HTR4: variants seen among roughly 807,000 people sequenced by gnomAD.
HTR4 encodes the protein 5-hydroxytryptamine (serotonin) receptor 4, G protein-coupled.
A neutral mutation model predicts 36.8 loss-of-function variants in HTR4; 16 were observed. The ratio of observed to expected loss-of-function variants is 0.43; its 90% CI spans 0.29 to 0.66. The LOEUF is 0.66. HTR4 is among the 30% of genes least tolerant of loss of function. HTR4 has a pLI of 0.13. For synonymous variants in HTR4, 189 were observed against 185.1 expected, an observed-to-expected ratio of 1.02 and a Z score of -0.17; for missense variants, 438 against 490.9, an observed-to-expected ratio of 0.89 and a Z score of 1.02.
chr5:148,555,419 A>G (rs1480492204), intron 2 of HTR4, among the ~76,000 whole-genome samples: 1 of 152,234 alleles, frequency 6.6e-6, no homozygotes. Context: ...TAGGAGTTAG[A>G]AATAGCTTAA....
chr5:148,494,478 T>C (rs1036647970), intron 6 of HTR4, among the ~76,000 whole-genome samples: 1 of 152,266 alleles, frequency 6.6e-6, no homozygotes, highest in Non-Finnish European at 1.5e-5. Flanking sequence ...CTTTGCCTCT[T>C]ACTCATTTTC....
chr5:148,515,179 G>T (rs1473282604), intron 5 of HTR4, among the ~76,000 whole-genome samples: 1 of 151,826 alleles, frequency 6.6e-6, no homozygotes, highest in African/African-American at 2.4e-5. Flanking sequence ...TAGCTTATTG[G>T]ATATATATTC....
chr5:148,472,981 T>C (rs927840779), downstream of HTR4, among the ~76,000 whole-genome samples: 4 of 152,136 alleles, frequency 2.6e-5, no homozygotes, highest in African/African-American at 4.8e-5. Context: ...ATCAGCCTGA[T>C]GGAATGTCCA....
chr5:148,636,921 AT>A, intron 2 of HTR4, 67 bp downstream of exon 2: 3 of 1,014,652 alleles, frequency 3.0e-6, no homozygotes, highest in Non-Finnish European at 4.6e-6. Flanking sequence ...ACAACAACAG[AT>A]TTTTAGAGTC....
At chr5:148,586,979 C>A (rs1761372128) in intron 2 of HTR4, among the ~76,000 whole-genome samples, 1 of 152,122 alleles carries the variant, frequency 6.6e-6, no homozygotes, top group African/African-American at 2.4e-5. Context: ...TGGCCCTGGG[C>A]AGCACAGTGT....
rs56317650 is a variant in HTR4 at position 148,633,382 on chromosome 5, CT to C, written c.26+3606del. Among the ~76,000 whole-genome samples the C allele has an allele frequency of 5.4e-4, 81 of 150,104 alleles. 1 individual carries two copies. The highest frequency in any genetic ancestry group is 1.2e-3 in the African/African-American group (51 of 40,938). Reference sequence around the variant, plus strand: ...TTGTATGTATCTTACTATTAGAATTCTTTTTTTTTTATTATACTTTAAGTTT... The same window carrying C: ...TTGTATGTATCTTACTATTAGAATTCTTTTTTTTTATTATACTTTAAGTTT... On this transcript the variant is annotated intron_variant, in intron 2 of 6. Transcript: ENST00000377888.
At chr5:148,475,094 G>A (rs995012110), downstream of HTR4, among the ~76,000 whole-genome samples, 13 of 151,718 alleles carry the variant, frequency 8.6e-5, no homozygotes, top group Non-Finnish European at 1.9e-4. Flanking sequence ...CCCATAAAAT[G>A]GGCATTATAT....
intron 4 of HTR4, among the ~76,000 whole-genome samples, chr5:148,543,830 G>A (rs1435315374): frequency 3.9e-5 from 6 of 152,108 alleles, no homozygotes; most frequent in Admixed American, 2.0e-4. Flanking sequence ...GATGCACCCC[G>A]TAAGAGATGG....
chr5:148,518,933 GT>G (rs1200245835), intron 5 of HTR4, among the ~76,000 whole-genome samples: 1 of 151,844 alleles, frequency 6.6e-6, no homozygotes, highest in African/African-American at 2.4e-5. Context: ...TTTTGTGTGT[GT>G]TTTTTTAAAT....
rs565077266 is a variant in HTR4 at position 148,511,614 on chromosome 5, G to T, written c.508-1590C>A. 5.0e-3 allele frequency among the ~76,000 whole-genome samples: 644 copies of T among 128,810 alleles called. 1 individual carries two copies. Among genetic ancestry groups the T allele is most frequent in the Middle Eastern group, 7.2e-3 (2 of 276 alleles). 84.5% of individuals were successfully genotyped at this position (128,810 alleles called of 152,430 possible). A position where few individuals can be genotyped will look rare whatever the true frequency, so the allele number is the denominator to read the frequency against. On this transcript the variant is annotated intron_variant, in intron 5 of 6. Transcript: ENST00000377888. ...TAAAACTGTTATGAATATTCTTGTG[G>T]AAGTTTGTGTGTGTGTGTGTGTGTG...
At chr5:148,647,172 A>G (rs1327185829) in intron 1 of HTR4, among the ~76,000 whole-genome samples, 2 of 152,260 alleles carry the variant, frequency 1.3e-5, no homozygotes, top group African/African-American at 4.8e-5. Flanking sequence ...AAGTTCAAAT[A>G]AGATAACTTA....
At chr5:148,497,124 T>C (rs1295766697) in intron 6 of HTR4, among the ~76,000 whole-genome samples, 1 of 151,984 alleles carries the variant, frequency 6.6e-6, no homozygotes, top group African/African-American at 2.4e-5. Flanking sequence ...TCTTATACTT[T>C]TCAAAAAAAA....
Position 148,654,170 on chromosome 5 carries a change from G to T in HTR4, c.-156C>A. 2 of 985,642 alleles carry T rather than the reference G, an allele frequency of 2.0e-6. No individual in the cohort carries two copies. Among genetic ancestry groups the T allele is most frequent in the South Asian group, 9.3e-5 (2 of 21,442 alleles). 61.1% of individuals were successfully genotyped at this position (985,642 alleles called of 1,614,324 possible). On this transcript the variant is annotated 5_prime_UTR_variant, in exon 1 of 7. Transcript: ENST00000377888. ...CGCTGCCGCTGCGCTCCCAGCCGCT[G>T]CCTGCGCCCTCCCTGCCGCCCCCTC...
intron 5 of HTR4, among the ~76,000 whole-genome samples, chr5:148,517,131 G>T (rs1757794519): frequency 6.6e-6 from 1 of 152,164 alleles, no homozygotes; most frequent in Admixed American, 6.5e-5. Flanking sequence ...GCTTATGACA[G>T]TTCCCGCCTT....
At chr5:148,508,169 T>TC (rs1392551352) in intron 6 of HTR4, among the ~76,000 whole-genome samples, 2 of 152,196 alleles carry the variant, frequency 1.3e-5, no homozygotes, top group East Asian at 3.9e-4. Flanking sequence ...AATGAAAATA[T>TC]CCCCCAATTT....
intron 2 of HTR4, among the ~76,000 whole-genome samples, chr5:148,594,376 G>A (rs986386373): frequency 1.1e-4 from 16 of 147,088 alleles, no homozygotes; most frequent in Non-Finnish European, 1.2e-4. Context: ...GTGTGTGTGT[G>A]TGTAAAGTTA....
chr5:148,542,314 G>T (rs1449259114), intron 4 of HTR4, among the ~76,000 whole-genome samples: 3 of 152,190 alleles, frequency 2.0e-5, no homozygotes, highest in Non-Finnish European at 2.9e-5. Flanking sequence ...AAATGTAATT[G>T]TGTGACACAG....
chr5:148,523,420 A>G, intron 4 of HTR4, 74 bp from the exon 5 acceptor site: 1 of 1,270,346 alleles, frequency 7.9e-7, no homozygotes, highest in Non-Finnish European at 1.1e-6. Flanking sequence ...AGAATATATG[A>G]GAGAGAAAAG....
intron 4 of HTR4, among the ~76,000 whole-genome samples, chr5:148,535,334 G>A (rs1196955280): frequency 2.0e-5 from 3 of 152,208 alleles, no homozygotes; most frequent in Non-Finnish European, 2.9e-5. Context: ...GCATTGTTAT[G>A]TTTCCAAATG....
Sources: allele counts gnomAD v4.1 joint callset (sites outside exome capture counted in the v4.1 genomes callset), GRCh38; gene constraint gnomAD v4.1.1; transcripts MANE v1.5; gene names NCBI Gene and HGNC (gene_info 2026-07-23, HGNC 2026-07-21).